NPAS3: variants seen among roughly 807,000 people sequenced by gnomAD.
NPAS3 encodes neuronal PAS domain-containing protein 3.
A neutral mutation model predicts 73.1 loss-of-function variants in NPAS3; 14 were observed. The observed-to-expected ratio is 0.19, with a 90% CI of 0.13 to 0.30. The LOEUF is 0.30. Ranked by LOEUF, NPAS3 falls within the 10% of genes least tolerant of loss-of-function variation. The probability of loss-of-function intolerance (pLI) is 1.00; values close to 1 mark genes in which losing one functional copy is unlikely to be tolerated. For synonymous variants in NPAS3, 620 were observed against 541.5 expected, an observed-to-expected ratio of 1.14 and a Z score of -2.01; for missense variants, 1,096 against 1,250.0, an observed-to-expected ratio of 0.88 and a Z score of 1.86.
At chr14:33,745,735 A>C (rs148727904) in intron 7 of NPAS3, among the ~76,000 whole-genome samples, 1 of 152,330 alleles carries the variant, frequency 6.6e-6, no homozygotes, top group East Asian at 1.9e-4. Flanking sequence ...TAGAATAATA[A>C]ATGATTTCTT....
chr14:33,665,061 T>C (rs1567104450), intron 5 of NPAS3, among the ~76,000 whole-genome samples: 1 of 152,194 alleles, frequency 6.6e-6, no homozygotes, highest in African/African-American at 2.4e-5. Flanking sequence ...TGCGCACACA[T>C]GTTTACTGCA....
intron 1 of NPAS3, among the ~76,000 whole-genome samples, chr14:32,943,797 T>C (rs539278861): frequency 1.3e-5 from 2 of 151,286 alleles, no homozygotes; most frequent in Non-Finnish European, 2.9e-5. Context: ...CAAATGATTC[T>C]CCTGTCTCAG....
At chr14:33,191,016 A>G (rs148591947) in intron 2 of NPAS3, among the ~76,000 whole-genome samples, 184 of 152,294 alleles carry the variant, frequency 1.2e-3, no homozygotes, top group African/African-American at 4.0e-3. Context: ...ATGTATTCAG[A>G]ATTTTGGTGA....
At chr14:33,050,125 C>T (rs2040652222) in intron 1 of NPAS3, among the ~76,000 whole-genome samples, 1 of 152,202 alleles carries the variant, frequency 6.6e-6, no homozygotes, top group Non-Finnish European at 1.5e-5. Flanking sequence ...TCAAAGTCAA[C>T]TCTTCCAATC....
At chr14:33,367,887 GA>G (rs2045914122) in intron 4 of NPAS3, among the ~76,000 whole-genome samples, 1 of 152,140 alleles carries the variant, frequency 6.6e-6, no homozygotes, top group Non-Finnish European at 1.5e-5. Context: ...TAGCCCGAGA[GA>G]AAATTCATTG....
chr14:33,345,954 T>C (rs939211706), intron 3 of NPAS3, among the ~76,000 whole-genome samples: 1 of 152,148 alleles, frequency 6.6e-6, no homozygotes, highest in Non-Finnish European at 1.5e-5. Context: ...GATTCAGGGC[T>C]GGGCACGGTG....
intron 4 of NPAS3, among the ~76,000 whole-genome samples, chr14:33,381,967 G>T (rs913746801): frequency 3.9e-5 from 6 of 152,128 alleles, no homozygotes; most frequent in Non-Finnish European, 5.9e-5. Flanking sequence ...CAGACATGGA[G>T]ACTTGGGGCA....
intron 3 of NPAS3, among the ~76,000 whole-genome samples, chr14:33,335,030 T>TTGTGTG (rs777068522): frequency 0.011 from 1,553 of 144,240 alleles, 48 homozygotes; most frequent in African/African-American, 0.039. Flanking sequence ...TGGTATTCCA[T>TTGTGTG]TGTGTGTGTG....
chr14:33,667,908 A>AT (rs1026850002), intron 5 of NPAS3, among the ~76,000 whole-genome samples: 43 of 150,516 alleles, frequency 2.9e-4, no homozygotes, highest in Admixed American at 1.9e-3. Flanking sequence ...GTTTTCCAAG[A>AT]TTTTTTTTTT....
intron 5 of NPAS3, among the ~76,000 whole-genome samples, chr14:33,650,017 G>A (rs1218332640): frequency 6.6e-6 from 1 of 152,164 alleles, no homozygotes; most frequent in Non-Finnish European, 1.5e-5. Context: ...TTCCTGTTTA[G>A]AATACAGATT....
intron 1 of NPAS3, among the ~76,000 whole-genome samples, chr14:32,993,227 A>G (rs1248935414): frequency 6.6e-6 from 1 of 152,074 alleles, no homozygotes; most frequent in African/African-American, 2.4e-5. Context: ...TAAAGTAAAA[A>G]TGTCCATGGG....
At chr14:33,009,150 C>A (rs2039101664) in intron 1 of NPAS3, among the ~76,000 whole-genome samples, 1 of 152,288 alleles carries the variant, frequency 6.6e-6, no homozygotes, top group African/African-American at 2.4e-5. Context: ...CGACTATGGG[C>A]TCCTCACTGT....
chr14:33,616,761 G>C (rs945776236), intron 5 of NPAS3, among the ~76,000 whole-genome samples: 1 of 152,146 alleles, frequency 6.6e-6, no homozygotes. Flanking sequence ...GGTGATTTAG[G>C]TCTACCTCTA....
intron 5 of NPAS3, among the ~76,000 whole-genome samples, chr14:33,589,225 T>C (rs1347377399): frequency 6.6e-6 from 1 of 152,220 alleles, no homozygotes; most frequent in Non-Finnish European, 1.5e-5. Context: ...ATGACTTTTG[T>C]CCATCTTCTA....
rs868294014 is a variant in NPAS3 at position 33,784,754 on chromosome 14, T to A, written c.1153+6182T>A. On this transcript the variant is annotated intron_variant, in intron 9 of 11. Coordinates refer to ENST00000356141, the Ensembl canonical transcript of NPAS3. ...ATTTATTTATTTATTTATTTTTTTT[T>A]TTTTTTTTTTTTTGAGACAGAGTTT... 4.1e-4 allele frequency among the ~76,000 whole-genome samples: 51 copies of A among 124,360 alleles called. 1 individual carries two copies. Among genetic ancestry groups the A allele is most frequent in the Middle Eastern group, 4.1e-3 (1 of 246 alleles). 81.6% of individuals were successfully genotyped at this position (124,360 alleles called of 152,430 possible). A position where few individuals can be genotyped will look rare whatever the true frequency, so the allele number is the denominator to read the frequency against.
At chr14:33,182,372 T>C (rs1311562574) in intron 2 of NPAS3, among the ~76,000 whole-genome samples, 1 of 152,214 alleles carries the variant, frequency 6.6e-6, no homozygotes, top group Admixed American at 6.5e-5. Context: ...TGTTTTCTAT[T>C]GTATTTCTTC....
intron 9 of NPAS3, among the ~76,000 whole-genome samples, chr14:33,785,647 T>C (rs2063148259): frequency 6.6e-6 from 1 of 152,124 alleles, no homozygotes; most frequent in Non-Finnish European, 1.5e-5. Context: ...ATGAGTGGCA[T>C]AGGATTTAAT....
chr14:33,114,171 G>T (rs1269170191), intron 2 of NPAS3, among the ~76,000 whole-genome samples: 1 of 152,048 alleles, frequency 6.6e-6, no homozygotes, highest in East Asian at 1.9e-4. Flanking sequence ...GAGTAACTGG[G>T]ATTACAGGCT....
At chr14:33,582,478 G>A (rs1433838782) in intron 5 of NPAS3, among the ~76,000 whole-genome samples, 1 of 152,140 alleles carries the variant, frequency 6.6e-6, no homozygotes, top group African/African-American at 2.4e-5. Context: ...TGTCAATATT[G>A]TTATACCATG....
Sources: allele counts gnomAD v4.1 joint callset (sites outside exome capture counted in the v4.1 genomes callset), GRCh38; gene constraint gnomAD v4.1.1; transcripts MANE v1.5; gene names NCBI Gene and HGNC (gene_info 2026-07-23, HGNC 2026-07-21).